CRBN: variants seen among roughly 807,000 people sequenced by gnomAD.
CRBN encodes the protein cereblon.
In CRBN, 53 loss-of-function variants were observed where a neutral mutation model predicts 62.2. That is an observed-to-expected ratio of 0.85 (90% CI 0.68 to 1.07). The LOEUF (loss-of-function observed/expected upper bound fraction) is 1.07. Ranked by LOEUF, CRBN falls within the 50% of genes least tolerant of loss-of-function variation. The pLI, the probability that CRBN is intolerant of heterozygous loss-of-function variation, is 0.00. For missense variants in CRBN, 616 were observed against 531.1 expected (o/e 1.16, Z -1.57); for synonymous variants, 208 against 176.1 (o/e 1.18, Z -1.43).
At position 3,175,081 on chromosome 3, in the gene CRBN, A is replaced by G. The variant is rs552512082; in HGVS notation, c.174+82T>C. 7.5e-6 allele frequency: 7 copies of G among 933,852 alleles called. No homozygotes were observed. The African/African-American group carries it at 9.9e-5, about 13-fold the overall frequency. 57.8% of individuals were successfully genotyped at this position (933,852 alleles called of 1,614,324 possible). The stretch of plus-strand genomic sequence containing the variant: ...CAATTTCTGATATCTAGTAATACAA[A>G]TATCAGTCACTTGTTTTTATGAACT... On this transcript the variant is annotated intron_variant, in intron 2 of 10. Transcript: ENST00000231948.
rs377166786 is a variant in CRBN, at chr3:3,179,614, C to G, written c.67+7G>C. On this transcript the variant is annotated splice_region_variant and intron_variant, in intron 1 of 10. Transcript: ENST00000231948. ...CCCGACTACAGGGAACTACTCCGGG[C>G]GGTTACCAGGCAGGAGCGGCAGGTG... is the stretch of plus-strand genomic sequence containing the variant. 6.2e-7 allele frequency: 1 copy of G among 1,613,314 alleles called. No homozygotes were observed. Among genetic ancestry groups the G allele is most frequent in the South Asian group, 1.1e-5 (1 of 91,058 alleles).
At chr3:3,162,852 C>T (rs1209435623) in intron 5 of CRBN, among the ~76,000 whole-genome samples, 3 of 152,230 alleles carry the variant, frequency 2.0e-5, no homozygotes. Flanking sequence ...GTGGGATGGA[C>T]AAATCAGATA....
chr3:3,151,289 TAA>T (rs1706530640), intron 10 of CRBN, among the ~76,000 whole-genome samples: 1 of 152,182 alleles, frequency 6.6e-6, no homozygotes, highest in Non-Finnish European at 1.5e-5. Flanking sequence ...TGCATAGAAA[TAA>T]AGAGTAATCT....
At chr3:3,160,393 A>G in intron 5 of CRBN, among the ~76,000 whole-genome samples, 1 of 152,202 alleles carries the variant, frequency 6.6e-6, no homozygotes, top group Non-Finnish European at 1.5e-5. Flanking sequence ...TTAAAAAGTT[A>G]CCAGTTTTTG....
chr3:3,168,657 A>G (rs577853366), intron 4 of CRBN, among the ~76,000 whole-genome samples: 2 of 152,202 alleles, frequency 1.3e-5, no homozygotes, highest in South Asian at 4.1e-4. Flanking sequence ...AGACTTCTAA[A>G]GTAGTCTTTC....
At chr3:3,153,236 C>G (rs1172775180) in intron 9 of CRBN, 188 bp downstream of exon 9, 2 of 550,416 alleles carry the variant, frequency 3.6e-6, no homozygotes, top group Non-Finnish European at 6.6e-6. Flanking sequence ...TAATCCCTGA[C>G]ATGCATTGTT....
chr3:3,177,648 C>A (rs1442806743), intron 1 of CRBN, among the ~76,000 whole-genome samples: 2 of 152,308 alleles, frequency 1.3e-5, no homozygotes, highest in East Asian at 1.9e-4. Flanking sequence ...AAACTATTAG[C>A]TCAAAGGCTG....
chr3:3,154,589 AT>A (rs11300080), intron 7 of CRBN, 157 bp downstream of exon 7: 594,869 of 613,710 alleles, frequency 0.97, 290,589 homozygotes, highest in East Asian at 1. Flanking sequence ...TAAAATACTC[AT>A]TTTTTTTCAA....
rs11414437 is a variant in CRBN at position 3,152,423 on chromosome 3, G to GAA, written c.1148+31_1148+32dup. 2,531 of 1,473,390 alleles carry GAA rather than the reference G, an allele frequency of 1.7e-3. No individual in the cohort carries two copies. In the East Asian group the frequency reaches 0.019, roughly 11 times the overall value. 91.3% of individuals were successfully genotyped at this position (1,473,390 alleles called of 1,614,324 possible). The stretch of plus-strand genomic sequence containing the variant: ...TTTCTGCCCAATTAAGGTAAAAAAA[G>GAA]AAAAAAAAAAGCAACCACCACCATA... On this transcript the variant is annotated intron_variant, in intron 10 of 10. Coordinates refer to ENST00000231948, the MANE Select transcript of CRBN (RefSeq NM_016302.4).
chr3:3,171,906 A>G (rs1397283336), intron 4 of CRBN, among the ~76,000 whole-genome samples: 1 of 152,226 alleles, frequency 6.6e-6, no homozygotes, highest in East Asian at 1.9e-4. Flanking sequence ...CCAATTCACT[A>G]GTACTTGTAT....
chr3:3,155,174 C>T (rs966268981), intron 6 of CRBN: 2 of 256,576 alleles, frequency 7.8e-6, no homozygotes, highest in Non-Finnish European at 1.5e-5. Flanking sequence ...GATTATGGCA[C>T]CTATAAATTG....
chr3:3,164,102 T>C (rs1261546520), intron 5 of CRBN, among the ~76,000 whole-genome samples: 1 of 152,158 alleles, frequency 6.6e-6, no homozygotes, highest in Non-Finnish European at 1.5e-5. Flanking sequence ...CCCCTCCATC[T>C]CTCTCCCTCT....
intron 5 of CRBN, chr3:3,156,571 C>A: frequency 2.3e-6 from 1 of 434,428 alleles, no homozygotes; most frequent in Non-Finnish European, 4.2e-6. Flanking sequence ...TGAGAGTAAA[C>A]ACCATACTTC....
At chr3:3,154,412 G>A (rs1005345816) in intron 7 of CRBN, 12 of 451,602 alleles carry the variant, frequency 2.7e-5, no homozygotes, top group Non-Finnish European at 4.8e-5. Context: ...GCAAGTCCTG[G>A]AACTAGACTC....
At chr3:3,160,394 C>A (rs1004780726) in intron 5 of CRBN, among the ~76,000 whole-genome samples, 5 of 152,118 alleles carry the variant, frequency 3.3e-5, no homozygotes, top group Admixed American at 2.6e-4. Flanking sequence ...TAAAAAGTTA[C>A]CAGTTTTTGT....
At chr3:3,171,847 G>A (rs1312999628) in intron 4 of CRBN, among the ~76,000 whole-genome samples, 4 of 152,238 alleles carry the variant, frequency 2.6e-5, no homozygotes, top group Admixed American at 2.0e-4. Flanking sequence ...TACCACCTGG[G>A]CAACACAGAG....
At chr3:3,159,409 T>C (rs758271414) in intron 5 of CRBN, among the ~76,000 whole-genome samples, 4 of 152,202 alleles carry the variant, frequency 2.6e-5, no homozygotes, top group Non-Finnish European at 5.9e-5. Flanking sequence ...CATATCAGAA[T>C]GGTCACTTTT....
Position 3,151,026 on chromosome 3 carries a change from G to A in CRBN, c.1168C>T (p.Gln390Ter). The A allele has an allele frequency of 6.2e-7, 1 of 1,613,682 alleles. No individual in the cohort carries two copies. Among genetic ancestry groups the A allele is most frequent in the Non-Finnish European group, 8.5e-7 (1 of 1,179,898 alleles). ...ATATGGCTTGCACAGATCTTACACTGGGCAACAGTCCAGGCATACCTAAGA... is the reference window on the plus strand; with the variant it reads ...ATATGGCTTGCACAGATCTTACACTAGGCAACAGTCCAGGCATACCTAAGA... ...WFPGYAWTVA[Q>*]CKICASHIGW... The change falls in exon 11 of 11, where the codon CAG (glutamine) becomes TAG (stop). Residue 390 changes from glutamine (Q) to a stop codon, truncating the protein, a stop_gained. Coordinates refer to ENST00000231948, the MANE Select transcript of CRBN (RefSeq NM_016302.4). LOFTEE classifies it high-confidence loss of function.
intron 5 of CRBN, among the ~76,000 whole-genome samples, chr3:3,157,014 T>C (rs955876694): frequency 2.0e-5 from 3 of 152,214 alleles, no homozygotes; most frequent in African/African-American, 7.2e-5. Context: ...ACTGTTAAGA[T>C]GTCAGTCCTC....
Sources: allele counts gnomAD v4.1 joint callset (sites outside exome capture counted in the v4.1 genomes callset), GRCh38; gene constraint gnomAD v4.1.1; transcripts MANE v1.5; gene names NCBI Gene and HGNC (gene_info 2026-07-23, HGNC 2026-07-21).